The following HR variants were observed in gnomAD, a reference collection of about 807,000 sequenced individuals.
HR encodes the protein lysine-specific demethylase hairless.
HR carries 83 observed loss-of-function variants against 128.6 expected under a neutral mutation model. That is an observed-to-expected ratio of 0.65 (90% confidence interval 0.54 to 0.77). The LOEUF is 0.77. Among genes scored for constraint, HR ranks in the 30% least tolerant of loss-of-function variants. The probability of loss-of-function intolerance (pLI) is 0.00; values close to 1 mark genes in which losing one functional copy is unlikely to be tolerated. For synonymous variants in HR, 681 were observed against 658.2 expected (o/e 1.03, Z -0.53); for missense variants, 1,490 against 1,574.6 (o/e 0.95, Z 0.91).
intron 14 of HR, 139 bp downstream of exon 14, chr8:22,119,621 A>C: frequency 8.3e-7 from 1 of 1,209,632 alleles, no homozygotes; most frequent in Non-Finnish European, 1.1e-6. Flanking sequence ...AACAACAAAA[A>C]AAAAAAAAAA....
In HR at chr8:22,128,870, C is replaced by T. The variant is rs28585381; in HGVS notation, c.301G>A (p.Glu101Lys). ...GCCAGCGGATGGGTAAGCATGGCCT[C>T]CTTCCAGCGCAGTCCCTCTTTGCTG... The part of the protein sequence containing the change: ...LGSKEGLRWK[E>K]AMLTHPLAFC... Residue 101 changes from glutamate (E) to lysine (K), a missense_variant, in exon 2 of 19, where the codon GAG (glutamate) becomes AAG (lysine). Around this residue, in one of 3 missense-constraint regions of HR, gnomAD observed 1,060 missense variants for 1,060.9 expected, o/e 1.00. Transcript: ENST00000381418. 2.7e-4 allele frequency: 429 copies of T among 1,613,426 alleles called. 6 individuals are homozygous for T. The South Asian group carries it at 3.6e-3, about 14-fold the overall frequency.
In HR at chr8:22,115,238, G is replaced by T; in HGVS notation, c.*462C>A. 4.6e-6 allele frequency: 1 copy of T among 219,636 alleles called. No individual in the cohort carries two copies. 13.6% of individuals were successfully genotyped at this position (219,636 alleles called of 1,614,324 possible). A position where few individuals can be genotyped will look rare whatever the true frequency, so the allele number is the denominator to read the frequency against. On this transcript the variant is annotated 3_prime_UTR_variant, in exon 19 of 19. Transcript: ENST00000381418. ...TTGGCAGGAGGGCAGAAGGTTGGAG[G>T]CCCCTTGTTCAGCATGCCTGCAGTG...
chr8:22,129,216 G>A lies in HR; in HGVS notation c.-40-6C>T, dbSNP rs1167798288. The A allele has an allele frequency of 6.6e-7, 1 of 1,513,750 alleles. No homozygotes were observed. Among genetic ancestry groups the A allele is most frequent in the Non-Finnish European group, 8.8e-7 (1 of 1,134,218 alleles). 93.8% of individuals were successfully genotyped at this position (1,513,750 alleles called of 1,614,324 possible). ...GCTCTCCCAGAGGGGGGTCCCTGGA[G>A]CATAACCATCAAAGCATGAGCTTCT... On this transcript the variant is annotated splice_region_variant and splice_polypyrimidine_tract_variant and intron_variant, in intron 1 of 18. Coordinates refer to ENST00000381418, the MANE Select transcript of HR (RefSeq NM_005144.5).
chr8:22,123,617 T>TGGGGGGCCCCCCCC, intron 6 of HR, 32 bp downstream of exon 6: 8 of 292,090 alleles, frequency 2.7e-5, no homozygotes, highest in East Asian at 1.1e-4. Flanking sequence ...GAGGGCTCCA[T>TGGGGGGCCCCCCCC]CCCGCCCTCC....
At chr8:22,117,133 G>A in intron 16 of HR, 94 bp from the exon 17 acceptor site, 1 of 1,268,370 alleles carries the variant, frequency 7.9e-7, no homozygotes, top group Non-Finnish European at 1.1e-6. Flanking sequence ...CAGGGGTGGA[G>A]AAAAGAGCCG....
At position 22,116,390 on chromosome 8, in the gene HR, G is replaced by A. The variant is rs755106541; in HGVS notation, c.3417C>T (p.His1139=). 2.5e-6 allele frequency: 4 copies of A among 1,613,684 alleles called. No homozygotes were observed. The East Asian group carries it at 6.7e-5, about 27-fold the overall frequency. ...GLVSTVSVTQ[H]FLSPETSALS... The stretch of plus-strand genomic sequence containing the variant: ...GGGCAGAGGTCTCAGGGGAGAGGAA[G>A]TGCTGAGTGACGCTGACTGTGCTCA... Residue 1139 remains histidine, a synonymous_variant, in exon 18 of 19, where the codon CAC becomes CAT. Transcript: ENST00000381418. This position sits in a 1 kb window ranked among gnomAD's most constrained non-coding sequence, Gnocchi z 4.2.
chr8:22,125,760 T>A, intron 3 of HR, 28 bp from the exon 4 acceptor site: 1 of 1,612,390 alleles, frequency 6.2e-7, no homozygotes, highest in Non-Finnish European at 8.5e-7. Flanking sequence ...AGGTCAGGAA[T>A]CTGGGTTTCT....
chr8:22,125,321 G>C lies in HR; in HGVS notation c.1740C>G (p.Ala580=). 1.3e-6 allele frequency: 2 copies of C among 1,579,450 alleles called. No homozygotes were observed. The highest frequency in any genetic ancestry group is 2.3e-5 in the South Asian group (2 of 86,290). The part of the protein sequence containing the change: ...LRREREALAW[A]QREGQGPAVT... Reference sequence around the variant, plus strand: ...GGAGGTCCTGTTCACCTTCCCGCTGGGCCCAAGCCAGGGCCTCCCGCTCCC... The same window carrying C: ...GGAGGTCCTGTTCACCTTCCCGCTGCGCCCAAGCCAGGGCCTCCCGCTCCC... Residue 580 remains alanine, a synonymous_variant, in exon 5 of 19, where the codon GCC becomes GCG. Coordinates refer to ENST00000381418, the MANE Select transcript of HR (RefSeq NM_005144.5).
At position 22,127,171 on chromosome 8, in the gene HR, C is replaced by A; in HGVS notation, c.1271G>T (p.Gly424Val). 3 of 1,612,850 alleles carry A rather than the reference C, an allele frequency of 1.9e-6. No individual in the cohort carries two copies. The South Asian group carries it at 3.3e-5, about 18-fold the overall frequency. Residue 424 changes from glycine (G) to valine (V), a missense_variant, in exon 3 of 19, where the codon GGC becomes GTC. Physicochemically the swap from Gly to Val is moderately radical, Grantham distance 109. Transcript: ENST00000381418. ...AGSPEVQGAM[G>V]SPAPKRPPDP... ...CGGTGGCCGCTTGGGGGCTGGACTG[C>A]CCATTGCTCCCTGGACCTCGGGGCT... is the stretch of plus-strand genomic sequence containing the variant.
chr8:22,118,998 G>A lies in HR; in HGVS notation c.3165C>T (p.His1055=), dbSNP rs749798592. 17 of 1,612,810 alleles carry A rather than the reference G, an allele frequency of 1.1e-5. No individual in the cohort carries two copies. In the East Asian group the frequency reaches 1.1e-4, roughly 11 times the overall value. ...GCTGGGCGTCCTGTGCCCGGAACAC[G>A]TGCCACACAGTGCTGACCTGGCTGC... The part of the protein sequence containing the change: ...SPGSQVSTVW[H]VFRAQDAQRI... The change falls in exon 16 of 19, where the codon CAC becomes CAT. Residue 1055 remains histidine, a synonymous_variant. Transcript: ENST00000381418.
At chr8:22,123,616 A>ACAC in intron 6 of HR, 33 bp downstream of exon 6, 5 of 562,348 alleles carry the variant, frequency 8.9e-6, no homozygotes, top group South Asian at 4.4e-5. Flanking sequence ...TGAGGGCTCC[A>ACAC]TCCCGCCCTC....
intron 6 of HR, among the ~76,000 whole-genome samples, 181 bp from the exon 7 acceptor site, chr8:22,123,060 C>A (rs1243214435): frequency 1.3e-5 from 2 of 152,192 alleles, no homozygotes; most frequent in Non-Finnish European, 2.9e-5. Context: ...ATGCTACAGA[C>A]TTTAACGTGC....
rs779312247 is a variant in HR at position 22,115,733 on chromosome 8, C to T, written c.3537G>A (p.Lys1179=). ...QMDWAVFQAV[K]VAVGTLQEAK is the part of the protein sequence containing the mutation. ...CCTCCTGTAATGTCCCCACGGCCAC[C>T]TTCACTGCTTGGAACACAGCCCAGT... The change falls in exon 19 of 19, where the codon AAG becomes AAA. Residue 1179 remains lysine, a synonymous_variant. Coordinates refer to ENST00000381418, the MANE Select transcript of HR (RefSeq NM_005144.5). The T allele has an allele frequency of 3.3e-5, 54 of 1,614,050 alleles. No homozygotes were observed. In the East Asian group the frequency reaches 1.2e-3, roughly 35 times the overall value.
chr8:22,119,958 C>G (rs1826693310), intron 13 of HR, 68 bp from the exon 14 acceptor site: 10 of 1,609,234 alleles, frequency 6.2e-6, no homozygotes, highest in Non-Finnish European at 7.6e-6. Context: ...AAAGCCCCAC[C>G]ACCACCGGGG....
chr8:22,115,756 A>G lies in HR; in HGVS notation c.3514T>C (p.Trp1172Arg). Residue 1172 changes from tryptophan to arginine, a missense_variant, in exon 19 of 19, where the codon TGG becomes CGG. Trp to Arg is a moderately radical substitution (Grantham distance 101). Transcript: ENST00000381418. ...ACCTTCACTGCTTGGAACACAGCCC[A>G]GTCCATCTAGGAAAAAGAGAGAGGA... ...DCHLLYAQMD[W>R]AVFQAVKVAV... is the part of the protein sequence containing the mutation. The G allele has an allele frequency of 6.2e-7, 1 of 1,613,976 alleles. No homozygotes were observed. The highest frequency in any genetic ancestry group is 8.5e-7 in the Non-Finnish European group (1 of 1,179,972).
chr8:22,119,116 C>T, intron 15 of HR, 48 bp downstream of exon 15: 1 of 1,613,660 alleles, frequency 6.2e-7, no homozygotes, highest in Non-Finnish European at 8.5e-7. Context: ...GCGACAAACA[C>T]TCACCTCTGT....
At chr8:22,129,288 C>A (rs372133951) in intron 1 of HR, 78 bp from the exon 2 acceptor site, 3 of 1,292,796 alleles carry the variant, frequency 2.3e-6, no homozygotes, top group Non-Finnish European at 2.1e-6. Context: ...GAGTGGGCAC[C>A]GCCCTGGCAA....
Position 22,130,650 on chromosome 8 carries a change from C to A in HR, c.-263G>T, listed in dbSNP as rs1827028210. 6.6e-6 allele frequency: 1 copy of A among 152,232 alleles called. No homozygotes were observed. Among genetic ancestry groups the A allele is most frequent in the South Asian group, 2.1e-4 (1 of 4,836 alleles). 9.4% of individuals were successfully genotyped at this position (152,232 alleles called of 1,614,324 possible). A position where few individuals can be genotyped will look rare whatever the true frequency, so the allele number is the denominator to read the frequency against. ...GTCGGACTCCGGGATCTGCAGGATGCGGCACACGGCGCGGATCGGCCGCAC... is the reference window on the plus strand; with the variant it reads ...GTCGGACTCCGGGATCTGCAGGATGAGGCACACGGCGCGGATCGGCCGCAC... On this transcript the variant is annotated 5_prime_UTR_variant, in exon 1 of 19. Coordinates refer to ENST00000381418, the MANE Select transcript of HR (RefSeq NM_005144.5).
Position 22,121,179 on chromosome 8 carries a change from C to T in HR, c.2253G>A (p.Gly751=). Reference sequence around the variant, plus strand: ...CGCAGAGAGAAGGACAAGGCAGGGGCCCTCGGCCAGCACGGTCCTCTGCTG... The same window carrying T: ...CGCAGAGAGAAGGACAAGGCAGGGGTCCTCGGCCAGCACGGTCCTCTGCTG... The part of the protein sequence containing the change: ...ETPAEDRAGR[G]PLPCPSLCEL... Residue 751 remains glycine (G), a synonymous_variant, in exon 10 of 19, where the codon GGG becomes GGA. Transcript: ENST00000381418. The T allele has an allele frequency of 6.2e-7, 1 of 1,613,944 alleles. No homozygotes were observed.
Sources: allele counts gnomAD v4.1 joint callset (sites outside exome capture counted in the v4.1 genomes callset), GRCh38; gene constraint gnomAD v4.1.1; regional missense constraint gnomAD v4.1.1; non-coding constraint Gnocchi (gnomAD v3.1); transcripts MANE v1.5; gene names NCBI Gene and HGNC (gene_info 2026-07-23, HGNC 2026-07-21).